ITGA2B: variants seen among roughly 807,000 people sequenced by gnomAD.
The protein encoded by ITGA2B is integrin subunit alpha 2b.
ITGA2B carries 91 observed loss-of-function variants against 142.0 expected under a neutral mutation model. The observed-to-expected ratio is 0.64, with a 90% confidence interval of 0.54 to 0.76. The LOEUF is 0.76. Ranked by LOEUF, ITGA2B falls within the 30% of genes least tolerant of loss-of-function variation. ITGA2B has a pLI of 0.00. For missense variants in ITGA2B, 1,231 were observed against 1,350.8 expected, an observed-to-expected ratio of 0.91 and a Z score of 1.39; for synonymous variants, 536 against 567.2, an observed-to-expected ratio of 0.94 and a Z score of 0.78.
Position 44,376,373 on chromosome 17 carries a change from A to G in ITGA2B, c.2283T>C (p.Asn761=). The change falls in exon 23 of 30, where the codon AAT becomes AAC. Residue 761 remains asparagine (N), a synonymous_variant. Transcript: ENST00000262407. ...CCAGCAGCACAATCTTGCTGTTTGG[A>G]TTCTGGCTGTTCTTGCTAGAGGGGA... ...QLQIRSKNSQ[N]PNSKIVLLDV... 1 of 1,614,104 alleles carries G rather than the reference A, an allele frequency of 6.2e-7. No homozygotes were observed. The highest frequency in any genetic ancestry group is 8.5e-7 in the Non-Finnish European group (1 of 1,180,016).
chr17:44,388,065 G>GCCATTGCCAC (rs2048665765), intron 1 of ITGA2B, among the ~76,000 whole-genome samples: 1 of 151,932 alleles, frequency 6.6e-6, no homozygotes, highest in Non-Finnish European at 1.5e-5. Flanking sequence ...AAGGCTATCT[G>GCCATTGCCAC]CCATTGCCAC....
rs777574504 is a variant in ITGA2B at position 44,380,065 on chromosome 17, G to C, written c.1689C>G (p.Thr563=). Residue 563 remains threonine, a synonymous_variant, in exon 17 of 30, where the codon ACC becomes ACG. Coordinates refer to ENST00000262407, the MANE Select transcript of ITGA2B (RefSeq NM_000419.5). ...GCTTTCCGCCCAGATCCAGGTTCAG[G>C]GTGGTGCCTGCCTGTTGAGAGCCCA... ...LLLGSQQAGT[T]LNLDLGGKHS... is the part of the protein sequence containing the mutation. 1.2e-6 allele frequency: 2 copies of C among 1,613,962 alleles called. No homozygotes were observed. Among genetic ancestry groups the C allele is most frequent in the Non-Finnish European group, 1.7e-6 (2 of 1,180,048 alleles).
chr17:44,384,905 C>T, intron 7 of ITGA2B, 43 bp downstream of exon 7: 1 of 1,612,918 alleles, frequency 6.2e-7, no homozygotes, highest in Non-Finnish European at 8.5e-7. Flanking sequence ...CTGCGGTGGG[C>T]GGTGACCCTC....
In ITGA2B at chr17:44,374,112, GC is replaced by G. The variant is rs2048518500; in HGVS notation, c.3060+241del. 5 of 495,048 alleles carry G rather than the reference GC, an allele frequency of 1.0e-5. No homozygotes were observed. The East Asian group carries it at 1.9e-4, about 19-fold the overall frequency. 30.7% of individuals were successfully genotyped at this position (495,048 alleles called of 1,614,324 possible). A position where few individuals can be genotyped will look rare whatever the true frequency, so the allele number is the denominator to read the frequency against. On this transcript the variant is annotated intron_variant, in intron 29 of 29. Transcript: ENST00000262407. Reference sequence around the variant, plus strand: ...GTAGAGATGGGGTTTCACCATGTTGGCCAGGCTGGTCTCGAACTCTTGACCT... The same window carrying G: ...GTAGAGATGGGGTTTCACCATGTTGGCAGGCTGGTCTCGAACTCTTGACCT...
Position 44,372,426 on chromosome 17 carries a change from G to A in ITGA2B, c.3061-3C>T, listed in dbSNP as rs765457047. ...CGGTTCCGCTTGAAGAAGCCGACCTGGGGGTACACGGGGGCCAAGGTCAGG... is the reference window on the plus strand; with the variant it reads ...CGGTTCCGCTTGAAGAAGCCGACCTAGGGGTACACGGGGGCCAAGGTCAGG... On this transcript the variant is annotated splice_polypyrimidine_tract_variant and splice_region_variant and intron_variant, in intron 29 of 29. Transcript: ENST00000262407. The A allele has an allele frequency of 2.5e-6, 4 of 1,613,662 alleles. No homozygotes were observed. Among genetic ancestry groups the A allele is most frequent in the Admixed American group, 3.3e-5 (2 of 59,982 alleles).
At position 44,385,558 on chromosome 17, in the gene ITGA2B, A is replaced by C; in HGVS notation, c.567T>G (p.Asn189Lys). Residue 189 changes from asparagine (N) to lysine (K), a missense_variant, in exon 4 of 30, where the codon AAT (asparagine) becomes AAG (lysine). This residue lies in a region of ITGA2B where 318 missense variants were observed against 312.2 expected (regional missense o/e 1.02). Coordinates refer to ENST00000262407, the MANE Select transcript of ITGA2B (RefSeq NM_000419.5). ...GNTLSRIYVE[N>K]DFSWDKRYCE... ...GTCGTAGCTGGCGCTTACTAAAATC[A>C]TTTTCCACGTAAATGCGGCTCAGGG... 6.3e-7 allele frequency: 1 copy of C among 1,582,038 alleles called. No individual in the cohort carries two copies. Among genetic ancestry groups the C allele is most frequent in the Non-Finnish European group, 8.6e-7 (1 of 1,167,736 alleles).
At chr17:44,387,286 G>C (rs1324749349) in intron 1 of ITGA2B, among the ~76,000 whole-genome samples, 2 of 152,148 alleles carry the variant, frequency 1.3e-5, no homozygotes, top group Non-Finnish European at 2.9e-5. Flanking sequence ...ACTTTGGGAG[G>C]CCGAGGCAGG....
chr17:44,381,906 G>C (rs968896349), intron 12 of ITGA2B, among the ~76,000 whole-genome samples: 20 of 152,094 alleles, frequency 1.3e-4, no homozygotes, highest in African/African-American at 4.8e-4. Flanking sequence ...GGGATTCCAG[G>C]TGTGAGCCAC....
rs775159188 is a variant in ITGA2B at position 44,372,450 on chromosome 17, G to A, written c.3061-27C>T. The A allele has an allele frequency of 2.5e-6, 4 of 1,610,312 alleles. No individual in the cohort carries two copies. In the Admixed American group the frequency reaches 6.7e-5, roughly 27 times the overall value. On this transcript the variant is annotated intron_variant, in intron 29 of 29. Coordinates refer to ENST00000262407, the MANE Select transcript of ITGA2B (RefSeq NM_000419.5). ...TGGGGGTACACGGGGGCCAAGGTCA[G>A]GGTATACAGATGATTTGCTGGCCCC...
At chr17:44,380,811 C>T (rs756230046) in intron 13 of ITGA2B, 68 bp downstream of exon 13, 1 of 1,604,990 alleles carries the variant, frequency 6.2e-7, no homozygotes, top group Admixed American at 1.7e-5. Context: ...GGCCGTGTCT[C>T]TTGGCACTTC....
intron 1 of ITGA2B, among the ~76,000 whole-genome samples, chr17:44,388,316 A>C (rs1205988768): frequency 1.3e-5 from 2 of 151,300 alleles, no homozygotes; most frequent in Admixed American, 6.6e-5. Flanking sequence ...TCTGCAAATC[A>C]ATTTAGGACA....
At position 44,380,277 on chromosome 17, in the gene ITGA2B, T is replaced by C. The variant is rs1421698070; in HGVS notation, c.1569A>G (p.Gly523=). ...TCTGAGGAATGTTGTGCCCAGTGGC[T>C]CCAACACACATCTGGATGTTGAAGC... ...VSCFNIQMCV[G]ATGHNIPQKL... The change falls in exon 16 of 30, where the codon GGA becomes GGG. Residue 523 remains glycine, a synonymous_variant. Coordinates refer to ENST00000262407, the MANE Select transcript of ITGA2B (RefSeq NM_000419.5). 6.2e-7 allele frequency: 1 copy of C among 1,614,166 alleles called. No individual in the cohort carries two copies. The highest frequency in any genetic ancestry group is 8.5e-7 in the Non-Finnish European group (1 of 1,180,024).
rs1361166387 is a variant in ITGA2B at position 44,372,241 on chromosome 17, G to GT, written c.*122_*123insA. ...GGGGTAGCCCAGCTCTGTTGGGAGG[G>GT]AAACGACACCAAGAGGACCCAATGG... On this transcript the variant is annotated 3_prime_UTR_variant, in exon 30 of 30. Transcript: ENST00000262407. 3.1e-6 allele frequency: 3 copies of GT among 960,302 alleles called. No homozygotes were observed. Among genetic ancestry groups the GT allele is most frequent in the Non-Finnish European group, 3.3e-6 (2 of 606,310 alleles). The allele number at this position is 960,302 out of a possible 1,614,324, so 59.5% of individuals were successfully genotyped here.
At position 44,374,725 on chromosome 17, in the gene ITGA2B, T is replaced by C; in HGVS notation, c.2877A>G (p.Ala959=). 2.5e-6 allele frequency: 4 copies of C among 1,614,016 alleles called. No individual in the cohort carries two copies. The highest frequency in any genetic ancestry group is 3.4e-6 in the Non-Finnish European group (4 of 1,179,994). Residue 959 remains alanine, a synonymous_variant, in exon 28 of 30, where the codon GCA becomes GCG. Coordinates refer to ENST00000262407, the MANE Select transcript of ITGA2B (RefSeq NM_000419.5). The part of the protein sequence containing the change: ...PLDQFVLQSH[A]WFNVSSLPYA... ...AGGGGAGGGAGGACACGTTGAACCATGCGTGCGACTGCAGCACAAACTGAT... is the reference window on the plus strand; with the variant it reads ...AGGGGAGGGAGGACACGTTGAACCACGCGTGCGACTGCAGCACAAACTGAT...
rs191306111 is a variant in ITGA2B, at chr17:44,383,776, C to A, written c.999-72G>T. On this transcript the variant is annotated intron_variant, in intron 11 of 29. Coordinates refer to ENST00000262407, the MANE Select transcript of ITGA2B (RefSeq NM_000419.5). The stretch of plus-strand genomic sequence containing the variant: ...TGGGGCTAGGGCCAAATCTCCTCGA[C>A]CCTTGCTCTCCTGTTCCTCCAGTGG... The A allele has an allele frequency of 3.3e-4, 513 of 1,552,266 alleles. 1 individual carries two copies. The highest frequency in any genetic ancestry group is 4.0e-4 in the Non-Finnish European group (458 of 1,144,908).
rs1186944109 is a variant in ITGA2B, at chr17:44,384,937, G to A, written c.799+11C>T. On this transcript the variant is annotated intron_variant, in intron 7 of 29. Transcript: ENST00000262407. ...CCTCGGGGTGCTGGAAGTCTGGAATGGCGGTGTTACCCCAGTAGCCGTCGA... is the reference window on the plus strand; with the variant it reads ...CCTCGGGGTGCTGGAAGTCTGGAATAGCGGTGTTACCCCAGTAGCCGTCGA... The A allele has an allele frequency of 1.8e-5, 29 of 1,613,928 alleles. No individual in the cohort carries two copies. Among genetic ancestry groups the A allele is most frequent in the Non-Finnish European group, 2.5e-5 (29 of 1,180,014 alleles).
At position 44,379,738 on chromosome 17, in the gene ITGA2B, C is replaced by T; in HGVS notation, c.1829G>A (p.Gly610Glu). The T allele has an allele frequency of 6.2e-7, 1 of 1,613,962 alleles. No individual in the cohort carries two copies. The highest frequency in any genetic ancestry group is 8.5e-7 in the Non-Finnish European group (1 of 1,180,020). Residue 610 changes from glycine to glutamate, a missense_variant, in exon 18 of 30, where the codon GGA becomes GAA. By Grantham distance (98) the Gly-to-Glu change is moderately conservative. Coordinates refer to ENST00000262407, the MANE Select transcript of ITGA2B (RefSeq NM_000419.5). ...LNVSLPPTEA[G>E]MAPAVVLHGD... is the part of the protein sequence containing the mutation. ...ATGCAGCACGACAGCAGGGGCCATT[C>T]CAGCCTCCGTGGGCGGTAGGGACAC...
rs2048618725 is a variant in ITGA2B, at chr17:44,383,860, C to T, written c.998+34G>A. The T allele has an allele frequency of 4.3e-6, 7 of 1,611,244 alleles. No individual in the cohort carries two copies. In the East Asian group the frequency reaches 1.1e-4, roughly 26 times the overall value. ...AGGGCAGCTCTGGTAATTTGGGACC[C>T]AACTGGGTAGGGGTGGGGCATGTCC... is the stretch of plus-strand genomic sequence containing the variant. On this transcript the variant is annotated intron_variant, in intron 11 of 29. Transcript: ENST00000262407.
chr17:44,374,758 C>A lies in ITGA2B; in HGVS notation c.2844G>T (p.Arg948Ser). Residue 948 changes from arginine (R) to serine (S), a missense_variant and splice_region_variant, in exon 28 of 30, where the codon AGG becomes AGT. Coordinates refer to ENST00000262407, the MANE Select transcript of ITGA2B (RefSeq NM_000419.5). ...AFLWLPSLYQ[R>S]PLDQFVLQSH... ...ACTGCAGCACAAACTGATCCAGAGG[C>A]CTCTGGACAGGTTGGGGTTGAAAGC... 1 of 1,613,814 alleles carries A rather than the reference C, an allele frequency of 6.2e-7. No homozygotes were observed. Among genetic ancestry groups the A allele is most frequent in the African/African-American group, 1.3e-5 (1 of 75,028 alleles).
Sources: allele counts gnomAD v4.1 joint callset (sites outside exome capture counted in the v4.1 genomes callset), GRCh38; gene constraint gnomAD v4.1.1; regional missense constraint gnomAD v4.1.1; transcripts MANE v1.5; gene names NCBI Gene and HGNC (gene_info 2026-07-23, HGNC 2026-07-21).